OPHN1: variants seen among roughly 807,000 people sequenced by gnomAD.
The protein encoded by OPHN1 is oligophrenin 1, also known as oligophrenin-1.
Under a neutral mutation model 60.7 loss-of-function variants are expected in OPHN1, and 11 were observed. The ratio of observed to expected loss-of-function variants is 0.18; its 90% CI spans 0.11 to 0.30. OPHN1 has a LOEUF of 0.30. OPHN1 is among the 10% of genes least tolerant of loss of function. The pLI is 1.00. For synonymous variants in OPHN1, 226 were observed against 222.6 expected, an observed-to-expected ratio of 1.02 and a Z score of -0.14; for missense variants, 449 against 611.0, an observed-to-expected ratio of 0.73 and a Z score of 2.80.
At position 68,119,171 on chromosome X, in the gene OPHN1, C is replaced by T; in HGVS notation, c.1361+77G>A. 4.2e-6 allele frequency: 3 copies of T among 717,367 alleles called. No homozygotes were observed. The South Asian group carries it at 6.6e-5, about 16-fold the overall frequency. 59.1% of individuals were successfully genotyped at this position (717,367 alleles called of 1,213,427 possible). A position where few individuals can be genotyped will look rare whatever the true frequency, so the allele number is the denominator to read the frequency against. On this transcript the variant is annotated intron_variant, in intron 16 of 24. Coordinates refer to ENST00000355520, the MANE Select transcript of OPHN1 (RefSeq NM_002547.3). Reference sequence around the variant, plus strand: ...TCTATCCAAACTCCTGGAACTGAGACCACGTTAACTCCGCTCAACACCCAG... The same window carrying T: ...TCTATCCAAACTCCTGGAACTGAGATCACGTTAACTCCGCTCAACACCCAG...
At chrX:68,382,282 G>A (rs2078601123) in intron 2 of OPHN1, among the ~76,000 whole-genome samples, 1 of 110,922 alleles carries the variant, frequency 9.0e-6, no homozygotes, top group Non-Finnish European at 1.9e-5. Flanking sequence ...GGGAGGCAGA[G>A]GTTGCAGTGA....
intron 23 of OPHN1, among the ~76,000 whole-genome samples, chrX:68,049,596 C>G (rs2076844244): frequency 8.9e-6 from 1 of 112,041 alleles, no homozygotes; most frequent in South Asian, 3.8e-4. Context: ...TCCCATCTAT[C>G]TTTCCCACTA....
chrX:68,094,725 C>T (rs1023264671), intron 19 of OPHN1, among the ~76,000 whole-genome samples: 1 of 111,285 alleles, frequency 9.0e-6, no homozygotes, highest in Non-Finnish European at 1.9e-5. Context: ...TTATAAGACT[C>T]CACTACAGGA....
chrX:68,409,864 T>C (rs1014635012), intron 2 of OPHN1, among the ~76,000 whole-genome samples: 7 of 111,835 alleles, frequency 6.3e-5, no homozygotes, highest in Non-Finnish European at 7.5e-5. Context: ...GTTAGAGTTA[T>C]AAACAGGTTT....
At chrX:68,127,667 G>A (rs2077177196) in intron 15 of OPHN1, among the ~76,000 whole-genome samples, 1 of 111,980 alleles carries the variant, frequency 8.9e-6, no homozygotes, top group African/African-American at 3.3e-5. Context: ...ACCATTAATG[G>A]TGCAATACTA....
intron 2 of OPHN1, among the ~76,000 whole-genome samples, chrX:68,374,930 A>G (rs1200286299): frequency 8.9e-6 from 1 of 112,039 alleles, no homozygotes; most frequent in African/African-American, 3.2e-5. Context: ...TCCACTTCAC[A>G]CCTATTAGCA....
chrX:68,393,082 C>G, intron 2 of OPHN1, among the ~76,000 whole-genome samples: 1 of 111,540 alleles, frequency 9.0e-6, no homozygotes, highest in Non-Finnish European at 1.9e-5. Flanking sequence ...CACACTGTAA[C>G]ACATGCCCAC....
At chrX:68,284,826 GAAC>G (rs2078033702) in intron 3 of OPHN1, among the ~76,000 whole-genome samples, 1 of 111,717 alleles carries the variant, frequency 9.0e-6, no homozygotes, top group Non-Finnish European at 1.9e-5. Context: ...ATGCAACCAT[GAAC>G]ATTTGTGAAC....
At chrX:68,269,531 C>A (rs1481212462) in intron 5 of OPHN1, among the ~76,000 whole-genome samples, 2 of 111,412 alleles carry the variant, frequency 1.8e-5, no homozygotes, top group African/African-American at 6.5e-5. Context: ...AACTGGCTAG[C>A]CATATGTAGA....
chrX:68,187,580 T>G (rs1273673805), intron 15 of OPHN1, among the ~76,000 whole-genome samples: 3 of 110,759 alleles, frequency 2.7e-5, no homozygotes, highest in Admixed American at 1.9e-4. Context: ...GCTACTGACC[T>G]CCAGAACTAT....
At chrX:68,139,321 T>A (rs773343395) in intron 15 of OPHN1, among the ~76,000 whole-genome samples, 1 of 112,086 alleles carries the variant, frequency 8.9e-6, no homozygotes, top group East Asian at 2.8e-4. Flanking sequence ...GAAAATGGTA[T>A]TATGGCTATA....
intron 12 of OPHN1, among the ~76,000 whole-genome samples, chrX:68,196,449 G>T (rs1286885632): frequency 8.9e-6 from 1 of 112,071 alleles, no homozygotes; most frequent in African/African-American, 3.2e-5. Context: ...GAAATGATTT[G>T]CCCAGAGTCA....
chrX:68,382,186 A>G (rs1410205876), intron 2 of OPHN1, among the ~76,000 whole-genome samples: 1 of 109,808 alleles, frequency 9.1e-6, no homozygotes, highest in African/African-American at 3.3e-5. Context: ...CGTCTCTACT[A>G]AAATACAAAA....
intron 3 of OPHN1, among the ~76,000 whole-genome samples, chrX:68,298,738 T>G (rs1156351923): frequency 8.9e-6 from 1 of 112,244 alleles, no homozygotes; most frequent in East Asian, 2.8e-4. Flanking sequence ...ATAACTATGC[T>G]TTAAAGAAAA....
At chrX:68,378,187 A>C (rs1430454332) in intron 2 of OPHN1, among the ~76,000 whole-genome samples, 2 of 112,281 alleles carry the variant, frequency 1.8e-5, no homozygotes, top group Admixed American at 9.5e-5. Flanking sequence ...GCCAGTGATG[A>C]TGAGCATTTT....
Position 68,386,988 on chromosome X carries a change from C to T in OPHN1, c.154+45879G>A, listed in dbSNP as rs748822461. On this transcript the variant is annotated intron_variant, in intron 2 of 24. Transcript: ENST00000355520. Reference sequence around the variant, plus strand: ...GAAGAAAACCCTAGGTAAACTGTAGCGACTTGAATGTCACAGAGAAATGAT... The same window carrying T: ...GAAGAAAACCCTAGGTAAACTGTAGTGACTTGAATGTCACAGAGAAATGAT... Among the ~76,000 whole-genome samples the T allele has an allele frequency of 2.7e-5, 3 of 110,514 alleles. No homozygotes were observed. In the East Asian group the frequency reaches 8.5e-4, roughly 31 times the overall value.
intron 6 of OPHN1, among the ~76,000 whole-genome samples, chrX:68,216,128 C>A (rs746831665): frequency 1.8e-5 from 2 of 111,084 alleles, no homozygotes. Context: ...GTCTGTTGAT[C>A]CTGTACAACC....
intron 19 of OPHN1, among the ~76,000 whole-genome samples, chrX:68,093,702 T>C (rs1339563613): frequency 9.0e-6 from 1 of 111,717 alleles, no homozygotes; most frequent in Non-Finnish European, 1.9e-5. Context: ...TCTTTTCATA[T>C]ACTTAATTGC....
chrX:68,129,387 A>G (rs1483486247), intron 15 of OPHN1, among the ~76,000 whole-genome samples: 1 of 111,743 alleles, frequency 8.9e-6, no homozygotes, highest in African/African-American at 3.3e-5. Context: ...CTGGATCCCA[A>G]TGCAAGAGAT....
Sources: allele counts gnomAD v4.1 joint callset (sites outside exome capture counted in the v4.1 genomes callset), GRCh38; gene constraint gnomAD v4.1.1; transcripts MANE v1.5; gene names NCBI Gene and HGNC (gene_info 2026-07-23, HGNC 2026-07-21).